PPM1D: variants seen among roughly 807,000 people sequenced by gnomAD.
The protein encoded by PPM1D is protein phosphatase, Mg2+/Mn2+ dependent 1D.
In PPM1D, 52 loss-of-function variants were observed where a neutral mutation model predicts 58.3. That is an observed-to-expected ratio of 0.89 (90% CI 0.71 to 1.12). The LOEUF is 1.12. PPM1D is among the 50% of genes most tolerant of loss of function. PPM1D has a pLI of 0.00. For missense variants in PPM1D, 564 were observed against 777.2 expected (o/e 0.73, Z 3.26); for synonymous variants, 278 against 285.1 (o/e 0.98, Z 0.25).
intron 4 of PPM1D, among the ~76,000 whole-genome samples, chr17:60,652,550 G>GTTTTTT (rs776162517): frequency 5.3e-4 from 36 of 67,632 alleles, no homozygotes; most frequent in East Asian, 1.1e-3. Context: ...GTTTACTTCT[G>GTTTTTT]TTTTTTTTTT....
intron 1 of PPM1D, among the ~76,000 whole-genome samples, chr17:60,609,043 G>A (rs897906032): frequency 2.7e-4 from 40 of 147,572 alleles, no homozygotes; most frequent in African/African-American, 9.5e-4. Context: ...CACCGCGCCC[G>A]GCCTTTATTA....
intron 1 of PPM1D, among the ~76,000 whole-genome samples, chr17:60,622,123 G>A (rs1482467405): frequency 6.6e-6 from 1 of 150,862 alleles, no homozygotes; most frequent in Non-Finnish European, 1.5e-5. Context: ...CTGGGAGGCG[G>A]AGCTTGCAGT....
At chr17:60,654,934 A>T (rs942558859) in intron 4 of PPM1D, among the ~76,000 whole-genome samples, 2 of 152,140 alleles carry the variant, frequency 1.3e-5, no homozygotes, top group African/African-American at 4.8e-5. Context: ...TTCCTGGAGT[A>T]CATCATTTTC....
chr17:60,661,909 G>T (rs1384234019), intron 5 of PPM1D, among the ~76,000 whole-genome samples: 1 of 152,144 alleles, frequency 6.6e-6, no homozygotes, highest in Non-Finnish European at 1.5e-5. Flanking sequence ...CAAATTTGTT[G>T]CTTATCCTAC....
intron 2 of PPM1D, among the ~76,000 whole-genome samples, chr17:60,627,814 T>G (rs1403943062): frequency 1.3e-5 from 2 of 152,208 alleles, no homozygotes; most frequent in Non-Finnish European, 2.9e-5. Flanking sequence ...ATCTGAAACT[T>G]TATTAATGAA....
At chr17:60,621,840 G>A (rs1387837373) in intron 1 of PPM1D, among the ~76,000 whole-genome samples, 7 of 146,108 alleles carry the variant, frequency 4.8e-5, no homozygotes, top group African/African-American at 7.6e-5. Flanking sequence ...AAAGTGCTGA[G>A]ATTATAGGCG....
chr17:60,661,101 C>T (rs1036843216), intron 5 of PPM1D, among the ~76,000 whole-genome samples: 18 of 151,640 alleles, frequency 1.2e-4, no homozygotes, highest in African/African-American at 3.9e-4. Flanking sequence ...TGCCTGTAGT[C>T]CTAGCTACTC....
In PPM1D at chr17:60,648,866, C is replaced by T. The variant is rs540940989; in HGVS notation, c.1017+784C>T. On this transcript the variant is annotated intron_variant, in intron 4 of 5. Transcript: ENST00000305921. ...CTAACCTCTGCCTCCTGGATTCAAGCGATTCTCCCACCTCAGCCTCCCGAG... is the reference window on the plus strand; with the variant it reads ...CTAACCTCTGCCTCCTGGATTCAAGTGATTCTCCCACCTCAGCCTCCCGAG... 1.4e-3 allele frequency among the ~76,000 whole-genome samples: 212 copies of T among 151,170 alleles called. 2 individuals carry two copies. The highest frequency in any genetic ancestry group is 4.4e-3 in the African/African-American group (181 of 41,052).
At chr17:60,640,415 G>A (rs78808232) in intron 3 of PPM1D, among the ~76,000 whole-genome samples, 7,081 of 152,236 alleles carry the variant, frequency 0.047, 583 homozygotes, top group African/African-American at 0.16. Flanking sequence ...GGTAATATAT[G>A]CTTAGCATAC....
chr17:60,622,068 T>C (rs745750764), intron 1 of PPM1D, among the ~76,000 whole-genome samples: 2 of 151,146 alleles, frequency 1.3e-5, no homozygotes, highest in African/African-American at 2.4e-5. Context: ...CAGGCGCCTG[T>C]AGTCCCAGCT....
intron 5 of PPM1D, 134 bp downstream of exon 5, chr17:60,656,975 T>C (rs748899340): frequency 2.1e-5 from 33 of 1,574,838 alleles, no homozygotes; most frequent in Non-Finnish European, 2.7e-5. Context: ...TGTAACTTAT[T>C]ATCAGAGAGC....
intron 1 of PPM1D, among the ~76,000 whole-genome samples, chr17:60,609,956 C>T (rs550383159): frequency 1.3e-5 from 2 of 152,030 alleles, no homozygotes; most frequent in South Asian, 2.1e-4. Context: ...CAGAGGTGGG[C>T]GGATCATGAG....
rs539760602 is a variant in PPM1D, at chr17:60,650,216, G to T, written c.1017+2134G>T. Among the ~76,000 whole-genome samples, 4 of 152,286 alleles carry T rather than the reference G, an allele frequency of 2.6e-5. No individual in the cohort carries two copies. In the East Asian group the frequency reaches 7.7e-4, roughly 29 times the overall value. On this transcript the variant is annotated intron_variant, in intron 4 of 5. Transcript: ENST00000305921. ...GATATTTGAGCAAGAAAATTTGCAGGCTTAATCTAAGGCAGCAGTGGTTTT... is the reference window on the plus strand; with the variant it reads ...GATATTTGAGCAAGAAAATTTGCAGTCTTAATCTAAGGCAGCAGTGGTTTT...
At chr17:60,645,018 A>G (rs1488004117) in intron 3 of PPM1D, among the ~76,000 whole-genome samples, 2 of 152,184 alleles carry the variant, frequency 1.3e-5, no homozygotes, top group Non-Finnish European at 1.5e-5. Context: ...TAGAAGAAAC[A>G]ATCCCTTCTT....
chr17:60,663,618 G>C lies in PPM1D; in HGVS notation c.*66G>C. The C allele has an allele frequency of 6.7e-7, 1 of 1,492,238 alleles. No homozygotes were observed. The highest frequency in any genetic ancestry group is 9.0e-7 in the Non-Finnish European group (1 of 1,114,534). The allele number at this position is 1,492,238 out of a possible 1,614,324, so 92.4% of individuals were successfully genotyped here. On this transcript the variant is annotated 3_prime_UTR_variant, in exon 6 of 6. Coordinates refer to ENST00000305921, the MANE Select transcript of PPM1D (RefSeq NM_003620.4). ...AAGAGGGCTTTTTAAATTTGGTGCC[G>C]ATGTTGAACTTTTTTTAAGGGGAGA...
intron 2 of PPM1D, among the ~76,000 whole-genome samples, chr17:60,633,438 C>T (rs769772618): frequency 5.3e-5 from 8 of 152,144 alleles, no homozygotes; most frequent in African/African-American, 9.7e-5. Flanking sequence ...ACAAGAGTCT[C>T]GCTCTGTCAT....
chr17:60,632,946 A>G (rs1170360777), intron 2 of PPM1D, among the ~76,000 whole-genome samples: 1 of 151,930 alleles, frequency 6.6e-6, no homozygotes, highest in South Asian at 2.1e-4. Context: ...CAGTCTGGAC[A>G]ACAAGAGCAA....
chr17:60,609,836 G>T (rs2378768), intron 1 of PPM1D, among the ~76,000 whole-genome samples: 4,580 of 152,200 alleles, frequency 0.03, 248 homozygotes, highest in African/African-American at 0.1. Flanking sequence ...TTTTATTAAT[G>T]TTGTTAATTT....
chr17:60,656,772 C>T lies in PPM1D; in HGVS notation c.1191C>T (p.Asp397=). 2.5e-6 allele frequency: 4 copies of T among 1,614,228 alleles called. No homozygotes were observed. Among genetic ancestry groups the T allele is most frequent in the Non-Finnish European group, 3.4e-6 (4 of 1,180,036 alleles). ...ATGAGTTATACCTGAACCTGACTGACAGCCCTTCCTATAATAGTCAAGAAA... is the reference window on the plus strand; with the variant it reads ...ATGAGTTATACCTGAACCTGACTGATAGCCCTTCCTATAATAGTCAAGAAA... ...NEDELYLNLT[D]SPSYNSQETC... is the part of the protein sequence containing the mutation. Residue 397 remains aspartate, a synonymous_variant, in exon 5 of 6, where the codon GAC becomes GAT. Coordinates refer to ENST00000305921, the MANE Select transcript of PPM1D (RefSeq NM_003620.4).
Sources: gnomAD v4.1 joint callset for allele counts (sites outside exome capture counted in the v4.1 genomes callset) on GRCh38, gnomAD v4.1.1 for gene constraint, MANE v1.5 for transcripts, NCBI Gene and HGNC (gene_info 2026-07-23, HGNC 2026-07-21) for gene names.